ZBED6: variants seen among roughly 807,000 people sequenced by gnomAD.
The protein encoded by ZBED6 is zinc finger BED-type containing 6.
A neutral mutation model predicts 58.4 loss-of-function variants in ZBED6; 40 were observed. The observed-to-expected ratio is 0.68, with a 90% CI of 0.53 to 0.89. ZBED6 has a LOEUF of 0.89. Ranked by LOEUF, ZBED6 falls within the 40% of genes least tolerant of loss-of-function variation. The probability of loss-of-function intolerance (pLI) is 0.00; values close to 1 mark genes in which losing one functional copy is unlikely to be tolerated. For synonymous variants in ZBED6, 439 were observed against 350.6 expected (o/e 1.25, Z -2.82); for missense variants, 1,057 against 1,003.9 (o/e 1.05, Z -0.71).
At chr1:203,819,085 TATATACAC>T (rs1456350383) in intron 3 of ZBED6, among the ~76,000 whole-genome samples, 2 of 65,972 alleles carry the variant, frequency 3.0e-5, no homozygotes, top group African/African-American at 8.8e-5. Flanking sequence ...AAAATATATA[TATATACAC>T]ACACACACAC....
chr1:203,832,996 G>A (rs1057281847), intron 8 of ZBED6, among the ~76,000 whole-genome samples: 10 of 152,180 alleles, frequency 6.6e-5, no homozygotes, highest in Non-Finnish European at 1.0e-4. Flanking sequence ...CACTTTGGGA[G>A]GCTGAGGCGG....
At chr1:203,818,976 G>A (rs1460388103) in intron 3 of ZBED6, among the ~76,000 whole-genome samples, 2 of 151,402 alleles carry the variant, frequency 1.3e-5, no homozygotes, top group Non-Finnish European at 2.9e-5. Flanking sequence ...GGCTGAGGCA[G>A]GAAAATCGCT....
At chr1:203,809,740 G>GGT (rs1284894720) in intron 1 of ZBED6, among the ~76,000 whole-genome samples, 3 of 152,058 alleles carry the variant, frequency 2.0e-5, no homozygotes, top group Non-Finnish European at 4.4e-5. Context: ...GATCACTTGA[G>GGT]GTCAGGAGTT....
chr1:203,826,231 TTTTATTTTTAC>T (rs1323624817), intron 3 of ZBED6, among the ~76,000 whole-genome samples: 2 of 152,168 alleles, frequency 1.3e-5, no homozygotes, highest in Non-Finnish European at 2.9e-5. Context: ...TTTGCTGTAC[TTTTATTTTTAC>T]TTTATTTTTA....
At chr1:203,837,180 A>G (rs1021188650) in intron 9 of ZBED6, among the ~76,000 whole-genome samples, 4 of 151,882 alleles carry the variant, frequency 2.6e-5, no homozygotes, top group Admixed American at 1.3e-4. Flanking sequence ...TAGTCCAGCT[A>G]CTTGGGAGGC....
chr1:203,799,496 C>G, exon 1 of ZBED6: 1 of 702,992 alleles, frequency 1.4e-6, no homozygotes, highest in Non-Finnish European at 2.6e-6. Context: ...TAAAATGGCT[C>G]TTGGAGCATT....
intron 9 of ZBED6, among the ~76,000 whole-genome samples, chr1:203,834,713 A>G (rs570922511): frequency 3.3e-5 from 5 of 152,226 alleles, no homozygotes; most frequent in African/African-American, 1.2e-4. Flanking sequence ...GCACTGGCAC[A>G]ATCTCAGCTC....
At chr1:203,835,814 A>G in intron 9 of ZBED6, 1 of 241,214 alleles carries the variant, frequency 4.1e-6, no homozygotes. Context: ...CTGGGGCATA[A>G]ACACCTTCAA....
chr1:203,824,253 G>A (rs1679743615), intron 3 of ZBED6, among the ~76,000 whole-genome samples: 1 of 142,104 alleles, frequency 7.0e-6, no homozygotes, highest in Non-Finnish European at 1.5e-5. Flanking sequence ...GGGCTACACA[G>A]TAAGACTCCC....
chr1:203,833,686 T>C lies in ZBED6; in HGVS notation c.*3511-105T>C. The stretch of plus-strand genomic sequence containing the variant: ...GAGACCTGATTTTCAAGAGACTTTC[T>C]GGGTGGATTTACACTAATATCAGAA... On this transcript the variant is annotated intron_variant, in intron 8 of 16. Transcript: ENST00000550078. 3.9e-6 allele frequency: 3 copies of C among 768,808 alleles called. No homozygotes were observed. In the South Asian group the frequency reaches 1.0e-4, roughly 26 times the overall value. The allele number at this position is 768,808 out of a possible 1,614,324, so 47.6% of individuals were successfully genotyped here.
chr1:203,852,629 A>T, exon 17 of ZBED6: 1 of 549,102 alleles, frequency 1.8e-6, no homozygotes, highest in South Asian at 2.1e-5. Context: ...TCTTTTGAGA[A>T]AAAAGTTCTG....
chr1:203,803,887 G>A (rs1671298281), intron 1 of ZBED6, among the ~76,000 whole-genome samples: 1 of 152,164 alleles, frequency 6.6e-6, no homozygotes, highest in Non-Finnish European at 1.5e-5. Flanking sequence ...TTACAGGTGT[G>A]AGCCACCATG....
chr1:203,799,900 A>G (rs1670001281), exon 1 of ZBED6: 1 of 1,536,096 alleles, frequency 6.5e-7, no homozygotes, highest in Non-Finnish European at 8.7e-7. Context: ...ACTTATAAGC[A>G]GTTCCTTGCA....
In ZBED6 at chr1:203,799,188, CT is replaced by C; in HGVS notation, c.1668del (p.Ile557SerfsTer32). 1 of 1,229,180 alleles carries C rather than the reference CT, an allele frequency of 8.1e-7. No homozygotes were observed. Among genetic ancestry groups the C allele is most frequent in the Non-Finnish European group, 1.2e-6 (1 of 866,626 alleles). 76.1% of individuals were successfully genotyped at this position (1,229,180 alleles called of 1,614,324 possible). ...TGGTCTGTGGCTTTCTCCAAATTTC[CT>C]TATCCCTAGCTTCATTGTTTCTGAC... On this transcript the variant is annotated frameshift_variant, in exon 1 of 17. Transcript: ENST00000550078. LOFTEE classifies it high-confidence loss of function.
At chr1:203,829,265 T>C in intron 4 of ZBED6, 186 bp from the exon 5 acceptor site, 3 of 620,874 alleles carry the variant, frequency 4.8e-6, no homozygotes, top group Non-Finnish European at 8.4e-6. Flanking sequence ...AGTGGAGAGT[T>C]AGTGGAGAGT....
chr1:203,797,945 T>A (rs910924915), exon 1 of ZBED6: 46 of 1,535,956 alleles, frequency 3.0e-5, no homozygotes, highest in Non-Finnish European at 3.6e-5. Flanking sequence ...TCTTTCATGT[T>A]GACCCCCAGT....
chr1:203,818,526 T>A (rs1046073576), intron 2 of ZBED6, 44 bp from the exon 3 acceptor site: 5 of 1,612,338 alleles, frequency 3.1e-6, no homozygotes, highest in Non-Finnish European at 4.2e-6. Context: ...TTACCTAGGA[T>A]GTATTTCAAT....
intron 3 of ZBED6, among the ~76,000 whole-genome samples, chr1:203,822,781 GTCATGTGGATACCT>G (rs1679212770): frequency 6.6e-6 from 1 of 152,034 alleles, no homozygotes; most frequent in East Asian, 1.9e-4. Flanking sequence ...GTTCCACATG[GTCATGTGGATACCT>G]TCCTATTCTC....
At chr1:203,799,420 A>G (rs1669824062) in exon 1 of ZBED6, 1 of 703,108 alleles carries the variant, frequency 1.4e-6, no homozygotes, top group African/African-American at 1.7e-5. Flanking sequence ...CAAAATGATC[A>G]CCAACTTCCA....
Sources: gnomAD v4.1 joint callset for allele counts (sites outside exome capture counted in the v4.1 genomes callset) on GRCh38, gnomAD v4.1.1 for gene constraint, MANE v1.5 for transcripts, NCBI Gene and HGNC (gene_info 2026-07-23, HGNC 2026-07-21) for gene names.